Variants in KLF12 observed in about 807,000 individuals in gnomAD.
KLF12 encodes Krueppel-like factor 12.
Under a neutral mutation model 37.8 loss-of-function variants are expected in KLF12, and 9 were observed. That is an observed-to-expected ratio of 0.24 (90% CI 0.14 to 0.42). The LOEUF (loss-of-function observed/expected upper bound fraction) is 0.42. KLF12 is among the 10% of genes least tolerant of loss of function. The pLI is 1.00. For synonymous variants in KLF12, 208 were observed against 202.1 expected, an observed-to-expected ratio of 1.03 and a Z score of -0.25; for missense variants, 411 against 516.0, an observed-to-expected ratio of 0.80 and a Z score of 1.97.
At chr13:74,260,553 CTAAAATAAAATAAAATAAAATAAATAAAA>C in the KLF12 span, among the ~76,000 whole-genome samples, 583 of 101,718 alleles carry the variant, frequency 5.7e-3, 6 homozygotes, top group South Asian at 0.014. Context: ...AACACTGTTT[CTAAAATAAAATAAAATAAAATAAATAAAA>C]TAAAATAAAA....
intron 1 of KLF12, among the ~76,000 whole-genome samples, chr13:74,032,236 T>C (rs961462044): frequency 6.6e-6 from 1 of 152,148 alleles, no homozygotes. Flanking sequence ...TCCTTAACAT[T>C]TCTAACAGAA....
chr13:74,121,207 C>T (rs768844052), intron 1 of KLF12, among the ~76,000 whole-genome samples: 11 of 152,026 alleles, frequency 7.2e-5, no homozygotes, highest in Admixed American at 1.3e-4. Flanking sequence ...AACTGTACTT[C>T]AATACTTTCC....
intron 1 of KLF12, among the ~76,000 whole-genome samples, chr13:74,065,935 C>G (rs1462740628): frequency 6.6e-6 from 1 of 151,966 alleles, no homozygotes; most frequent in Admixed American, 6.6e-5. Context: ...ATGGAGAAGA[C>G]TCTTCAGGGT....
At chr13:74,043,952 A>C (rs1385294208) in intron 1 of KLF12, among the ~76,000 whole-genome samples, 1 of 152,246 alleles carries the variant, frequency 6.6e-6, no homozygotes, top group Admixed American at 6.5e-5. Context: ...AATATTCTTT[A>C]ATACATAATA....
the KLF12 span, among the ~76,000 whole-genome samples, chr13:74,272,202 C>A: frequency 3.3e-3 from 500 of 152,238 alleles, 2 homozygotes; most frequent in Non-Finnish European, 5.8e-3. Flanking sequence ...TGGACTTATA[C>A]TTCTACCAAT....
the KLF12 span, among the ~76,000 whole-genome samples, chr13:74,188,121 T>C: frequency 6.6e-6 from 1 of 151,880 alleles, no homozygotes. Context: ...GTAATAAAAA[T>C]AAAAGAAAAA....
At chr13:74,208,531 T>C in the KLF12 span, among the ~76,000 whole-genome samples, 1 of 152,206 alleles carries the variant, frequency 6.6e-6, no homozygotes, top group African/African-American at 2.4e-5. Context: ...AAATTATAGA[T>C]CATTTTATTG....
At chr13:74,023,862 G>A (rs1892906906) in intron 1 of KLF12, among the ~76,000 whole-genome samples, 1 of 152,150 alleles carries the variant, frequency 6.6e-6, no homozygotes, top group African/African-American at 2.4e-5. Flanking sequence ...TGAAGAGGTA[G>A]CAGATTAAGC....
chr13:74,238,976 C>G, the KLF12 span, among the ~76,000 whole-genome samples: 1 of 150,160 alleles, frequency 6.7e-6, no homozygotes, highest in Non-Finnish European at 1.5e-5. Context: ...TTCTTGCCTT[C>G]TGCTAGCTTT....
At chr13:73,828,035 T>C (rs1883946256) in intron 4 of KLF12, among the ~76,000 whole-genome samples, 2 of 152,318 alleles carry the variant, frequency 1.3e-5, no homozygotes, top group South Asian at 4.1e-4. Context: ...CTCATATGTG[T>C]GGGCACTAAG....
intron 3 of KLF12, among the ~76,000 whole-genome samples, chr13:73,931,949 G>C (rs1889705916): frequency 6.6e-6 from 1 of 151,274 alleles, no homozygotes. Flanking sequence ...AGCTGACTTA[G>C]CTAAGGGAGG....
chr13:74,126,136 A>C (rs191555715), intron 1 of KLF12, among the ~76,000 whole-genome samples: 1 of 152,368 alleles, frequency 6.6e-6, no homozygotes, highest in African/African-American at 2.4e-5. Flanking sequence ...TATACTATAC[A>C]TGACATATAA....
the KLF12 span, among the ~76,000 whole-genome samples, chr13:74,156,164 G>A: frequency 6.6e-6 from 1 of 152,178 alleles, no homozygotes; most frequent in Non-Finnish European, 1.5e-5. Context: ...AGTCCTTTCT[G>A]CTTTGAAAAT....
In KLF12 at chr13:74,123,025, A is replaced by C. The variant is rs1474709353; in HGVS notation, c.-32+10714T>G. Among the ~76,000 whole-genome samples the C allele has an allele frequency of 2.0e-5, 3 of 151,728 alleles. No individual in the cohort carries two copies. The East Asian group carries it at 5.8e-4, about 29-fold the overall frequency. ...ATACAAGTATACCCACTTTTATCAG[A>C]ATAATATATTTGTAAACAATGCCCA... On this transcript the variant is annotated intron_variant, in intron 1 of 7. Transcript: ENST00000377669.
At chr13:73,990,088 T>A (rs2138237704) in intron 2 of KLF12, among the ~76,000 whole-genome samples, 1 of 152,254 alleles carries the variant, frequency 6.6e-6, no homozygotes, top group Non-Finnish European at 1.5e-5. Flanking sequence ...AAATATAGTT[T>A]TTTAAAAAGT....
At chr13:74,241,432 C>A in the KLF12 span, among the ~76,000 whole-genome samples, 2 of 152,204 alleles carry the variant, frequency 1.3e-5, no homozygotes, top group South Asian at 2.1e-4. Flanking sequence ...GTGGAGCCTA[C>A]AGAGGCAGGC....
intron 6 of KLF12, among the ~76,000 whole-genome samples, chr13:73,721,181 C>T (rs1183712702): frequency 1.3e-5 from 2 of 152,194 alleles, no homozygotes; most frequent in South Asian, 2.1e-4. Flanking sequence ...AACTGAGGCA[C>T]AGAGAGGTTA....
At chr13:73,968,445 T>C (rs1241473716) in intron 2 of KLF12, among the ~76,000 whole-genome samples, 1 of 152,212 alleles carries the variant, frequency 6.6e-6, no homozygotes, top group Non-Finnish European at 1.5e-5. Context: ...TATATTTCCA[T>C]ATGCTTCTAT....
chr13:73,869,867 G>T (rs1244821194), intron 3 of KLF12, among the ~76,000 whole-genome samples: 1 of 152,072 alleles, frequency 6.6e-6, no homozygotes, highest in East Asian at 1.9e-4. Context: ...AACAAGTACT[G>T]AACAGTTCTG....
Sources: allele counts gnomAD v4.1 joint callset (sites outside exome capture counted in the v4.1 genomes callset), GRCh38; gene constraint gnomAD v4.1.1; transcripts MANE v1.5; gene names NCBI Gene and HGNC (gene_info 2026-07-23, HGNC 2026-07-21).